The following PTPRN2 variants were observed in gnomAD, a reference collection of about 807,000 sequenced individuals.
PTPRN2 encodes protein tyrosine phosphatase receptor type N2.
In PTPRN2, 74 loss-of-function variants were observed where a neutral mutation model predicts 118.8. That is an observed-to-expected ratio of 0.62 (90% CI 0.52 to 0.76). The LOEUF is 0.76. Ranked by LOEUF, PTPRN2 falls within the 30% of genes least tolerant of loss-of-function variation. The pLI is 0.00. For missense variants in PTPRN2, 1,481 were observed against 1,394.4 expected, an observed-to-expected ratio of 1.06 and a Z score of -0.99; for synonymous variants, 641 against 608.0, an observed-to-expected ratio of 1.05 and a Z score of -0.80.
Position 158,206,586 on chromosome 7 carries a change from C to T in PTPRN2, c.278-1313G>A, listed in dbSNP as rs565265663. On this transcript the variant is annotated intron_variant, in intron 3 of 22. Coordinates refer to ENST00000389418, the MANE Select transcript of PTPRN2 (RefSeq NM_002847.5). ...CGGGGAGGGGGGGAGAGAGAGAGAC[C>T]GTCCGTTCGTTTGTCTCGGAGAATG... 1.2e-3 allele frequency among the ~76,000 whole-genome samples: 187 copies of T among 151,944 alleles called. 1 individual carries two copies. Among genetic ancestry groups the T allele is most frequent in the African/African-American group, 4.4e-3 (184 of 41,446 alleles).
chr7:157,954,431 T>G, intron 11 of PTPRN2, among the ~76,000 whole-genome samples: 1 of 147,096 alleles, frequency 6.8e-6, no homozygotes, highest in Non-Finnish European at 1.5e-5. Flanking sequence ...GGTGTGTGTG[T>G]GGTGCACGTG....
chr7:158,317,712 T>TCGGG (rs1472477289), intron 2 of PTPRN2, among the ~76,000 whole-genome samples: 3 of 152,172 alleles, frequency 2.0e-5, no homozygotes, highest in Non-Finnish European at 4.4e-5. Context: ...ATCTGCAGCT[T>TCGGG]CGGGCGGGGC....
At chr7:158,396,594 G>C (rs868276881) in intron 2 of PTPRN2, among the ~76,000 whole-genome samples, 1 of 151,834 alleles carries the variant, frequency 6.6e-6, no homozygotes, top group Non-Finnish European at 1.5e-5. Flanking sequence ...GGATGTTAGA[G>C]GCCACCCAGA....
At chr7:158,120,597 C>T (rs1438305885) in intron 9 of PTPRN2, among the ~76,000 whole-genome samples, 12 of 152,184 alleles carry the variant, frequency 7.9e-5, no homozygotes, top group Non-Finnish European at 1.5e-4. Flanking sequence ...GTGGATTTTT[C>T]AAGGCTGCAT....
At chr7:157,730,304 A>G (rs1211885808) in intron 12 of PTPRN2, among the ~76,000 whole-genome samples, 1 of 152,218 alleles carries the variant, frequency 6.6e-6, no homozygotes, top group Non-Finnish European at 1.5e-5. Flanking sequence ...CGCCAGACAA[A>G]GTAAACTTCC....
intron 6 of PTPRN2, among the ~76,000 whole-genome samples, chr7:158,161,843 T>C (rs954346724): frequency 2.0e-5 from 3 of 152,048 alleles, no homozygotes; most frequent in African/African-American, 7.2e-5. Context: ...TGATATCTGA[T>C]AAAGGACCAA....
chr7:158,447,958 G>A (rs1417773002), intron 2 of PTPRN2, among the ~76,000 whole-genome samples: 1 of 152,258 alleles, frequency 6.6e-6, no homozygotes. Flanking sequence ...GCAGGACACA[G>A]GCCCTCAGCC....
chr7:158,287,750 G>A (rs1002352579), intron 3 of PTPRN2, among the ~76,000 whole-genome samples: 3 of 151,996 alleles, frequency 2.0e-5, no homozygotes, highest in Admixed American at 1.3e-4. Context: ...ATCTATCCTG[G>A]AGAATGTTCT....
At chr7:158,182,890 T>C (rs778390764) in intron 5 of PTPRN2, among the ~76,000 whole-genome samples, 9 of 152,236 alleles carry the variant, frequency 5.9e-5, no homozygotes, top group Admixed American at 5.2e-4. Flanking sequence ...CAGTGAAGTA[T>C]TGAGGTCCCC....
chr7:158,414,250 G>T (rs1814453499), intron 2 of PTPRN2, among the ~76,000 whole-genome samples: 1 of 152,072 alleles, frequency 6.6e-6, no homozygotes, highest in African/African-American at 2.4e-5. Flanking sequence ...GGCACACCAG[G>T]AGTGAGGACA....
In PTPRN2 at chr7:157,764,535, C is replaced by G. The variant is rs1802333677; in HGVS notation, c.1789-81598G>C. On this transcript the variant is annotated intron_variant, in intron 12 of 22. Coordinates refer to ENST00000389418, the MANE Select transcript of PTPRN2 (RefSeq NM_002847.5). The surrounding 1 kb of genome is among the most constrained non-coding windows in gnomAD (Gnocchi z 4.5). ...ATGGGGTCCTTAGAGTCATCAGATC[C>G]ATAGAGACAGAATGTAGGACAGTGG... Among the ~76,000 whole-genome samples the G allele has an allele frequency of 6.6e-6, 1 of 152,114 alleles. No individual in the cohort carries two copies. The highest frequency in any genetic ancestry group is 1.5e-5 in the Non-Finnish European group (1 of 68,018).
chr7:158,014,008 G>GCATCCATCCAGCCAGCCACC (rs1806256361), intron 11 of PTPRN2, among the ~76,000 whole-genome samples: 1 of 22,816 alleles, frequency 4.4e-5, no homozygotes, highest in Non-Finnish European at 9.5e-5. Context: ...ATTTGTCTAT[G>GCATCCATCCAGCCAGCCACC]CATCCATCCA....
intron 11 of PTPRN2, among the ~76,000 whole-genome samples, chr7:158,064,652 C>T (rs1387441068): frequency 6.6e-6 from 1 of 152,218 alleles, no homozygotes; most frequent in East Asian, 1.9e-4. Context: ...TCCTCAGGGC[C>T]TCTGTCATCT....
intron 7 of PTPRN2, 59 bp downstream of exon 7, chr7:158,138,235 C>T: frequency 6.6e-7 from 1 of 1,522,136 alleles, no homozygotes; most frequent in Admixed American, 1.8e-5. Context: ...CTGCACAGCC[C>T]TGAGGCCTCC....
intron 6 of PTPRN2, among the ~76,000 whole-genome samples, chr7:158,140,087 T>A (rs1013782971): frequency 6.6e-6 from 1 of 152,184 alleles, no homozygotes; most frequent in African/African-American, 2.4e-5. Flanking sequence ...AAGACCGTCT[T>A]CTTTTCTCCT....
chr7:157,765,140 C>CA lies in PTPRN2; in HGVS notation c.1789-82204_1789-82203insT, dbSNP rs1159494645. Among the ~76,000 whole-genome samples the CA allele has an allele frequency of 7.5e-4, 114 of 151,016 alleles. 1 individual carries two copies. Among genetic ancestry groups the CA allele is most frequent in the African/African-American group, 2.7e-3 (109 of 41,130 alleles). On this transcript the variant is annotated intron_variant, in intron 12 of 22. Coordinates refer to ENST00000389418, the MANE Select transcript of PTPRN2 (RefSeq NM_002847.5). ...TCCATCCACTCACTCCCCATCCATC[C>CA]TTCATCCATCCATCCATCCTTCTTT...
intron 12 of PTPRN2, among the ~76,000 whole-genome samples, chr7:157,875,066 C>G (rs1308695035): frequency 2.0e-5 from 3 of 152,196 alleles, no homozygotes; most frequent in Non-Finnish European, 2.9e-5. Flanking sequence ...CACACACACA[C>G]ACACGCTCAC....
intron 11 of PTPRN2, among the ~76,000 whole-genome samples, chr7:157,985,109 G>A (rs1803675658): frequency 6.6e-6 from 1 of 152,258 alleles, no homozygotes; most frequent in African/African-American, 2.4e-5. Flanking sequence ...TGGGAGCGTC[G>A]ACTGTGCTCA....
intron 3 of PTPRN2, among the ~76,000 whole-genome samples, chr7:158,311,954 T>C (rs1424676380): frequency 6.9e-6 from 1 of 145,530 alleles, no homozygotes; most frequent in Admixed American, 6.8e-5. Flanking sequence ...CCCACATACC[T>C]GTACATGCAC....
Sources: allele counts gnomAD v4.1 joint callset (sites outside exome capture counted in the v4.1 genomes callset), GRCh38; gene constraint gnomAD v4.1.1; non-coding constraint Gnocchi (gnomAD v3.1); transcripts MANE v1.5; gene names NCBI Gene and HGNC (gene_info 2026-07-23, HGNC 2026-07-21).